The following SLC10A7 variants were observed in gnomAD, a reference collection of about 807,000 sequenced individuals.
SLC10A7 encodes the protein solute carrier family 10 member 7.
Under a neutral mutation model 43.2 loss-of-function variants are expected in SLC10A7, and 29 were observed. The ratio of observed to expected loss-of-function variants is 0.67; its 90% CI spans 0.50 to 0.92. The LOEUF (loss-of-function observed/expected upper bound fraction) is 0.92. Ranked by LOEUF, SLC10A7 falls within the 40% of genes least tolerant of loss-of-function variation. The pLI is 0.00. For synonymous variants in SLC10A7, 152 were observed against 144.8 expected (o/e 1.05, Z -0.35); for missense variants, 295 against 403.2 (o/e 0.73, Z 2.30).
chr4:146,350,801 A>G (rs1194697621), intron 5 of SLC10A7, among the ~76,000 whole-genome samples: 13 of 112,476 alleles, frequency 1.2e-4, no homozygotes, highest in African/African-American at 2.5e-4. Flanking sequence ...GGGTATTCCA[A>G]CAGACCTGCA....
chr4:146,277,822 C>T (rs965266163), intron 10 of SLC10A7, among the ~76,000 whole-genome samples: 1 of 123,524 alleles, frequency 8.1e-6, no homozygotes, highest in African/African-American at 3.4e-5. Flanking sequence ...ACTAGATCTA[C>T]TTTAAATAGA....
chr4:146,432,764 C>G (rs546818807), intron 5 of SLC10A7, among the ~76,000 whole-genome samples: 1 of 152,262 alleles, frequency 6.6e-6, no homozygotes, highest in East Asian at 1.9e-4. Context: ...AATAAACCGG[C>G]CGCGGTGGCT....
chr4:146,405,189 T>C (rs1479836915), intron 5 of SLC10A7, among the ~76,000 whole-genome samples: 1 of 152,210 alleles, frequency 6.6e-6, no homozygotes, highest in Non-Finnish European at 1.5e-5. Context: ...TAAGAAAGTT[T>C]CCAGAATGCC....
chr4:146,294,726 G>T (rs562903631), intron 7 of SLC10A7, among the ~76,000 whole-genome samples: 1 of 152,220 alleles, frequency 6.6e-6, no homozygotes, highest in Non-Finnish European at 1.5e-5. Flanking sequence ...TAGAATTCCA[G>T]AATTAACATT....
At chr4:146,327,601 C>T (rs960279289) in intron 5 of SLC10A7, among the ~76,000 whole-genome samples, 1 of 152,214 alleles carries the variant, frequency 6.6e-6, no homozygotes, top group Admixed American at 6.5e-5. Flanking sequence ...TATAATTAAA[C>T]ATCCACTTAT....
chr4:146,281,396 C>CAAAAAAA (rs774519759), intron 10 of SLC10A7, among the ~76,000 whole-genome samples: 6,495 of 74,248 alleles, frequency 0.087, 199 homozygotes, highest in South Asian at 0.24. Flanking sequence ...GAAGTAAAAT[C>CAAAAAAA]AAAAAAAAAA....
At chr4:146,268,396 T>C (rs150328653) in intron 10 of SLC10A7, among the ~76,000 whole-genome samples, 5 of 152,300 alleles carry the variant, frequency 3.3e-5, no homozygotes, top group Admixed American at 6.5e-5. Flanking sequence ...AAGGCCATTA[T>C]TAAAAGAAAG....
intron 4 of SLC10A7, among the ~76,000 whole-genome samples, chr4:146,494,836 G>A (rs541956982): frequency 6.6e-6 from 1 of 152,210 alleles, no homozygotes; most frequent in East Asian, 1.9e-4. Flanking sequence ...TAGTTAGAGA[G>A]GTAAAAATGA....
At chr4:146,471,998 T>C (rs950595219) in intron 4 of SLC10A7, among the ~76,000 whole-genome samples, 1 of 152,130 alleles carries the variant, frequency 6.6e-6, no homozygotes, top group Non-Finnish European at 1.5e-5. Flanking sequence ...TCCCAAAAGA[T>C]AGCTCATGCA....
intron 4 of SLC10A7, among the ~76,000 whole-genome samples, chr4:146,467,721 C>T (rs887815909): frequency 6.6e-6 from 1 of 152,032 alleles, no homozygotes; most frequent in African/African-American, 2.4e-5. Context: ...TACCAACATG[C>T]CCAACTAATT....
chr4:146,391,328 G>T (rs1388481851), intron 5 of SLC10A7, among the ~76,000 whole-genome samples: 1 of 152,178 alleles, frequency 6.6e-6, no homozygotes, highest in Non-Finnish European at 1.5e-5. Context: ...GTCTCCATTT[G>T]TGATGGTGCA....
At chr4:146,477,254 T>C (rs554220841) in intron 4 of SLC10A7, among the ~76,000 whole-genome samples, 59 of 152,372 alleles carry the variant, frequency 3.9e-4, no homozygotes, top group African/African-American at 1.3e-3. Flanking sequence ...GCTCTAAAGC[T>C]GACTAATCAT....
intron 7 of SLC10A7, among the ~76,000 whole-genome samples, chr4:146,296,779 C>T (rs530188079): frequency 3.3e-5 from 5 of 152,052 alleles, no homozygotes; most frequent in Admixed American, 1.3e-4. Context: ...GCTAGAAAGG[C>T]GTTAAAATGT....
At chr4:146,512,613 T>C (rs1737585552) in intron 2 of SLC10A7, among the ~76,000 whole-genome samples, 1 of 152,194 alleles carries the variant, frequency 6.6e-6, no homozygotes, top group Non-Finnish European at 1.5e-5. Context: ...GGTGTATAAA[T>C]TGGCATAACC....
At chr4:146,450,795 G>C (rs530628204) in intron 4 of SLC10A7, among the ~76,000 whole-genome samples, 8 of 152,248 alleles carry the variant, frequency 5.3e-5, no homozygotes, top group African/African-American at 1.9e-4. Context: ...CAAAACAGAT[G>C]AAGGGGCAGT....
intron 6 of SLC10A7, among the ~76,000 whole-genome samples, chr4:146,311,601 A>G (rs944089661): frequency 6.6e-6 from 1 of 152,180 alleles, no homozygotes; most frequent in Admixed American, 6.6e-5. Context: ...AAATAAGAAT[A>G]GATATTTACA....
In SLC10A7 at chr4:146,516,415, TTGTG is replaced by T. The variant is rs1233210607; in HGVS notation, c.183+619_183+622del. On this transcript the variant is annotated intron_variant, in intron 2 of 11. Coordinates refer to ENST00000335472, the MANE Select transcript of SLC10A7 (RefSeq NM_001029998.6). ...ATATAGGTGTGGGGTGTGTGTGTGT[TTGTG>T]TGTGTGTGTGTATACACACACACTT... 4.1e-5 allele frequency among the ~76,000 whole-genome samples: 6 copies of T among 147,702 alleles called. No individual in the cohort carries two copies. In the South Asian group the frequency reaches 8.7e-4, roughly 21 times the overall value.
chr4:146,298,663 G>C (rs1052493214), intron 7 of SLC10A7, among the ~76,000 whole-genome samples: 1 of 152,102 alleles, frequency 6.6e-6, no homozygotes, highest in African/African-American at 2.4e-5. Context: ...CACAAAATAA[G>C]TATTTGTCAC....
chr4:146,275,099 T>C (rs996164155), intron 10 of SLC10A7, among the ~76,000 whole-genome samples: 7 of 152,194 alleles, frequency 4.6e-5, no homozygotes, highest in Non-Finnish European at 7.4e-5. Flanking sequence ...GATACCCTCT[T>C]TTGAAATATG....
Sources: gnomAD v4.1 joint callset for allele counts (sites outside exome capture counted in the v4.1 genomes callset) on GRCh38, gnomAD v4.1.1 for gene constraint, MANE v1.5 for transcripts, NCBI Gene and HGNC (gene_info 2026-07-23, HGNC 2026-07-21) for gene names.